The following CDH18 variants were observed in gnomAD, a reference collection of about 807,000 sequenced individuals.
CDH18 encodes cadherin-18.
CDH18 carries 31 observed loss-of-function variants against 67.9 expected under a neutral mutation model. That is an observed-to-expected ratio of 0.46 (90% confidence interval 0.34 to 0.62). The LOEUF is 0.62. Among genes scored for constraint, CDH18 ranks in the 20% least tolerant of loss-of-function variants. CDH18 has a pLI of 0.01. For missense variants in CDH18, 890 were observed against 975.5 expected, an observed-to-expected ratio of 0.91 and a Z score of 1.17; for synonymous variants, 362 against 347.2, an observed-to-expected ratio of 1.04 and a Z score of -0.48.
At chr5:19,587,519 TTG>T (rs772691414) in intron 7 of CDH18, among the ~76,000 whole-genome samples, 5 of 152,188 alleles carry the variant, frequency 3.3e-5, no homozygotes, top group Non-Finnish European at 7.3e-5. Flanking sequence ...GGTTAGCCAG[TTG>T]TCCCAGCACA....
At chr5:19,909,536 T>A (rs1053893981) in intron 2 of CDH18, among the ~76,000 whole-genome samples, 18 of 151,978 alleles carry the variant, frequency 1.2e-4, no homozygotes, top group Admixed American at 1.1e-3. Flanking sequence ...TGACCTCAGG[T>A]GATCCACCCT....
intron 2 of CDH18, among the ~76,000 whole-genome samples, chr5:19,849,135 T>C (rs373149566): frequency 6.6e-5 from 10 of 152,058 alleles, no homozygotes; most frequent in East Asian, 3.9e-4. Flanking sequence ...ATGTTTGCTA[T>C]TCATAATGGA....
chr5:19,691,254 A>G (rs1175102225), intron 5 of CDH18, among the ~76,000 whole-genome samples: 5 of 151,834 alleles, frequency 3.3e-5, no homozygotes, highest in African/African-American at 1.2e-4. Context: ...CACATCTTAT[A>G]GGTCATATAT....
chr5:20,153,996 C>A (rs757339016), intron 2 of CDH18, among the ~76,000 whole-genome samples: 5 of 152,072 alleles, frequency 3.3e-5, no homozygotes, highest in Non-Finnish European at 7.4e-5. Context: ...CACAACCTAC[C>A]CAGTTGCTAA....
chr5:20,455,628 G>T (rs1392839772), intron 1 of CDH18, among the ~76,000 whole-genome samples: 1 of 151,960 alleles, frequency 6.6e-6, no homozygotes, highest in Non-Finnish European at 1.5e-5. Context: ...GTTTTAATTA[G>T]ATCCATTCAA....
intron 2 of CDH18, among the ~76,000 whole-genome samples, chr5:20,027,854 T>A (rs189403209): frequency 6.6e-6 from 1 of 152,364 alleles, no homozygotes; most frequent in African/African-American, 2.4e-5. Flanking sequence ...TGTAAATTAA[T>A]GTAATTGAAC....
chr5:19,687,711 C>T (rs1761304101), intron 5 of CDH18, among the ~76,000 whole-genome samples: 1 of 152,214 alleles, frequency 6.6e-6, no homozygotes, highest in Non-Finnish European at 1.5e-5. Context: ...ATCTCCAGAG[C>T]ATGAAGCGTG....
chr5:20,245,323 T>C (rs1030647826), intron 2 of CDH18, among the ~76,000 whole-genome samples: 1 of 152,124 alleles, frequency 6.6e-6, no homozygotes, highest in Non-Finnish European at 1.5e-5. Flanking sequence ...CCCATAAATA[T>C]GCCTGAATTC....
At chr5:19,532,158 T>TG (rs1748720410) in intron 9 of CDH18, among the ~76,000 whole-genome samples, 1 of 151,124 alleles carries the variant, frequency 6.6e-6, no homozygotes. Flanking sequence ...TTTTTGGGTC[T>TG]TTTTTTTTAA....
chr5:19,990,952 G>A (rs1316443984), upstream of CDH18, among the ~76,000 whole-genome samples: 1 of 152,192 alleles, frequency 6.6e-6, no homozygotes, highest in African/African-American at 2.4e-5. Context: ...ATCTCTGAAA[G>A]TGAAAGCATG....
At chr5:20,090,673 G>A (rs1371013246) in intron 2 of CDH18, among the ~76,000 whole-genome samples, 1 of 152,012 alleles carries the variant, frequency 6.6e-6, no homozygotes, top group Non-Finnish European at 1.5e-5. Context: ...ATGTAGACCA[G>A]AAATGGATAA....
At chr5:19,876,593 G>A (rs1241309858) in intron 2 of CDH18, among the ~76,000 whole-genome samples, 3 of 152,078 alleles carry the variant, frequency 2.0e-5, no homozygotes, top group Non-Finnish European at 4.4e-5. Flanking sequence ...CTTGATTTGG[G>A]ATATCTGCAG....
chr5:19,743,727 C>A (rs1325573524), intron 4 of CDH18, among the ~76,000 whole-genome samples: 5 of 152,102 alleles, frequency 3.3e-5, no homozygotes. Context: ...TCAAGACCAG[C>A]CTGGCCAACA....
At chr5:20,469,337 TA>T (rs1229465600) in intron 1 of CDH18, among the ~76,000 whole-genome samples, 1 of 141,278 alleles carries the variant, frequency 7.1e-6, no homozygotes, top group Non-Finnish European at 1.6e-5. Flanking sequence ...TCAATATGTT[TA>T]AAAAACTAGA....
intron 1 of CDH18, among the ~76,000 whole-genome samples, chr5:20,321,748 A>G (rs763732644): frequency 1.3e-5 from 2 of 151,884 alleles, no homozygotes; most frequent in African/African-American, 2.4e-5. Context: ...AATCATAGCT[A>G]TTGTCCCCTG....
intron 2 of CDH18, among the ~76,000 whole-genome samples, chr5:20,021,079 CTTTAAGA>C (rs1455814017): frequency 6.6e-6 from 1 of 151,964 alleles, no homozygotes; most frequent in Non-Finnish European, 1.5e-5. Context: ...TATTTTGGAG[CTTTAAGA>C]TTTAACGACT....
At chr5:20,066,037 T>G (rs1252054447) in intron 2 of CDH18, among the ~76,000 whole-genome samples, 1 of 152,022 alleles carries the variant, frequency 6.6e-6, no homozygotes, top group African/African-American at 2.4e-5. Flanking sequence ...TAATAAAAAA[T>G]GTAAAAAGTA....
chr5:20,380,110 A>G (rs1743795199), intron 1 of CDH18, among the ~76,000 whole-genome samples: 1 of 152,174 alleles, frequency 6.6e-6, no homozygotes, highest in African/African-American at 2.4e-5. Context: ...GCACAAAGGA[A>G]ATAGCTAGAT....
chr5:19,601,572 A>G (rs1051250903), intron 6 of CDH18, among the ~76,000 whole-genome samples: 1 of 152,126 alleles, frequency 6.6e-6, no homozygotes, highest in African/African-American at 2.4e-5. Flanking sequence ...CAAAAAGTAA[A>G]AAAAGAGGGA....
Sources: gnomAD v4.1 joint callset for allele counts (sites outside exome capture counted in the v4.1 genomes callset) on GRCh38, gnomAD v4.1.1 for gene constraint, MANE v1.5 for transcripts, NCBI Gene and HGNC (gene_info 2026-07-23, HGNC 2026-07-21) for gene names.